The following HEATR1 variants were observed in gnomAD, a reference collection of about 807,000 sequenced individuals.
HEATR1 encodes the protein HEAT repeat-containing protein 1.
Under a neutral mutation model 248.2 loss-of-function variants are expected in HEATR1, and 77 were observed. The ratio of observed to expected loss-of-function variants is 0.31; its 90% CI spans 0.26 to 0.37. The LOEUF (loss-of-function observed/expected upper bound fraction) is 0.37, where lower values mean the gene tolerates loss of function less well. HEATR1 is among the 10% of genes least tolerant of loss of function. The pLI is 1.00. For missense variants in HEATR1, 2,420 were observed against 2,504.9 expected, an observed-to-expected ratio of 0.97 and a Z score of 0.72; for synonymous variants, 897 against 923.1, an observed-to-expected ratio of 0.97 and a Z score of 0.51.
At chr1:236,565,895 A>G in intron 31 of HEATR1, 24 bp downstream of exon 31, 1 of 1,604,444 alleles carries the variant, frequency 6.2e-7, no homozygotes, top group Non-Finnish European at 8.5e-7. Context: ...ATTGAACAGT[A>G]AGTGACACCC....
intron 42 of HEATR1, 66 bp downstream of exon 42, chr1:236,554,532 C>T: frequency 3.4e-6 from 5 of 1,490,518 alleles, no homozygotes; most frequent in Non-Finnish European, 4.6e-6. Flanking sequence ...TTGAGCAGAT[C>T]TAAAACCTGC....
At position 236,555,537 on chromosome 1, in the gene HEATR1, G is replaced by C; in HGVS notation, c.5754+14C>G. The stretch of plus-strand genomic sequence containing the variant: ...ATCTGAGCACAAAAGAGAGGAAGAG[G>C]AAGAAAGCGTCACCTTGAAGAACAG... On this transcript the variant is annotated intron_variant, in intron 40 of 44. Transcript: ENST00000366582. The C allele has an allele frequency of 6.2e-7, 1 of 1,614,100 alleles. No homozygotes were observed. Among genetic ancestry groups the C allele is most frequent in the Non-Finnish European group, 8.5e-7 (1 of 1,179,936 alleles).
Position 236,596,640 on chromosome 1 carries a change from T to A in HEATR1, c.744+196A>T, listed in dbSNP as rs1326467031. 2.0e-5 allele frequency among the ~76,000 whole-genome samples: 3 copies of A among 152,194 alleles called. No homozygotes were observed. In the East Asian group the frequency reaches 5.8e-4, roughly 29 times the overall value. ...GGACCAGACAGCCAATATTTATTCTTAAGAGTCCTAATTAAGGTCCCAGGC... is the reference window on the plus strand; with the variant it reads ...GGACCAGACAGCCAATATTTATTCTAAAGAGTCCTAATTAAGGTCCCAGGC... On this transcript the variant is annotated intron_variant, in intron 6 of 44. Coordinates refer to ENST00000366582, the MANE Select transcript of HEATR1 (RefSeq NM_018072.6).
At chr1:236,551,068 A>C in intron 44 of HEATR1, 78 bp from the exon 45 acceptor site, 3 of 1,133,868 alleles carry the variant, frequency 2.6e-6, no homozygotes, top group Non-Finnish European at 3.8e-6. Flanking sequence ...TTAATTCTTA[A>C]TGCCTTGCAC....
chr1:236,591,804 T>C (rs913943852), intron 11 of HEATR1, among the ~76,000 whole-genome samples, 189 bp downstream of exon 11: 2 of 152,226 alleles, frequency 1.3e-5, no homozygotes, highest in African/African-American at 2.4e-5. Context: ...TACAAATTAT[T>C]GTACCTTTCT....
chr1:236,603,261 T>C lies in HEATR1; in HGVS notation c.258A>G (p.Val86=), dbSNP rs1328478910. Residue 86 remains valine, a synonymous_variant, in exon 3 of 45, where the codon GTA becomes GTG. Coordinates refer to ENST00000366582, the MANE Select transcript of HEATR1 (RefSeq NM_018072.6). ...TLERSVQTKA[V]NKQLDENISL... is the part of the protein sequence containing the mutation. Reference sequence around the variant, plus strand: ...AAATGTTTTCATCCAACTGTTTGTTTACTGCTTTGGTCTGAACACTTCGCT... The same window carrying C: ...AAATGTTTTCATCCAACTGTTTGTTCACTGCTTTGGTCTGAACACTTCGCT... 1.9e-6 allele frequency: 3 copies of C among 1,614,058 alleles called. No individual in the cohort carries two copies. In the African/African-American group the frequency reaches 4.0e-5, roughly 22 times the overall value.
At chr1:236,572,325 A>C in intron 26 of HEATR1, 86 bp downstream of exon 26, 1 of 1,362,822 alleles carries the variant, frequency 7.3e-7, no homozygotes, top group Non-Finnish European at 1.0e-6. Flanking sequence ...TAAACAAGAG[A>C]AGAGTATGTT....
rs1451161668 is a variant in HEATR1 at position 236,550,060 on chromosome 1, C to T, written c.*842G>A. 3.3e-5 allele frequency: 5 copies of T among 152,128 alleles called. No individual in the cohort carries two copies. Among genetic ancestry groups the T allele is most frequent in the African/African-American group, 4.8e-5 (2 of 41,426 alleles). The allele number at this position is 152,128 out of a possible 1,614,324, so 9.4% of individuals were successfully genotyped here. The stretch of plus-strand genomic sequence containing the variant: ...GGGCAGATCTAATTTTATTTGAACC[C>T]TCACTTTCCAACTTCACCATGACCC... On this transcript the variant is annotated 3_prime_UTR_variant, in exon 45 of 45. Coordinates refer to ENST00000366582, the MANE Select transcript of HEATR1 (RefSeq NM_018072.6).
chr1:236,579,826 A>G (rs1388999543), intron 20 of HEATR1, among the ~76,000 whole-genome samples: 1 of 152,180 alleles, frequency 6.6e-6, no homozygotes, highest in Non-Finnish European at 1.5e-5. Flanking sequence ...GTGCTCTTTC[A>G]AAGAACTAAC....
rs1314426953 is a variant in HEATR1, at chr1:236,596,858, T to A, written c.722A>T (p.Lys241Ile). The change falls in exon 6 of 45, where the codon AAA becomes ATA. Residue 241 changes from lysine (K) to isoleucine (I), a missense_variant. Physicochemically the swap from Lys to Ile is moderately radical, Grantham distance 102. Coordinates refer to ENST00000366582, the MANE Select transcript of HEATR1 (RefSeq NM_018072.6). ...AACCTTTTGGATATAGGGAAATAGT[T>A]TGGCGATGATATTGTCTGATACGTC... Reference protein sequence around the residue: ...AEDVSDNIIAKLFPYIQKGLK... With the variant: ...AEDVSDNIIAILFPYIQKGLK... 1 of 1,613,474 alleles carries A rather than the reference T, an allele frequency of 6.2e-7. No individual in the cohort carries two copies. The highest frequency in any genetic ancestry group is 8.5e-7 in the Non-Finnish European group (1 of 1,179,792).
intron 17 of HEATR1, 54 bp from the exon 18 acceptor site, chr1:236,583,250 G>A: frequency 2.1e-6 from 3 of 1,449,302 alleles, no homozygotes; most frequent in South Asian, 1.3e-5. Flanking sequence ...CTGAACATGG[G>A]TTATATGAAT....
intron 3 of HEATR1, among the ~76,000 whole-genome samples, chr1:236,600,895 C>T (rs182045578): frequency 1.3e-5 from 2 of 152,264 alleles, no homozygotes; most frequent in African/African-American, 4.8e-5. Flanking sequence ...TCAACTATTC[C>T]AGGCAGAACT....
At chr1:236,603,916 C>T in intron 2 of HEATR1, 38 bp downstream of exon 2, 7 of 1,569,784 alleles carry the variant, frequency 4.5e-6, no homozygotes, top group East Asian at 2.3e-5. Context: ...AGAAAACAAA[C>T]GCTTCCAAGA....
At chr1:236,556,001 G>A (rs1267158952) in intron 38 of HEATR1, 62 bp from the exon 39 acceptor site, 1 of 1,605,218 alleles carries the variant, frequency 6.2e-7, no homozygotes. Flanking sequence ...TCAGCGGTGT[G>A]TATTTTTAAA....
chr1:236,554,496 A>C, intron 42 of HEATR1, 102 bp downstream of exon 42: 1 of 1,091,312 alleles, frequency 9.2e-7, no homozygotes, highest in East Asian at 2.6e-5. Flanking sequence ...ACAACCTTAC[A>C]AAGAAAAATC....
At chr1:236,568,898 CAAAAAAAA>C (rs398053926) in intron 29 of HEATR1, 90 bp downstream of exon 29, 4 of 527,816 alleles carry the variant, frequency 7.6e-6, no homozygotes, top group Admixed American at 5.6e-5. Context: ...AAAAAAAAAA[CAAAAAAAA>C]AAAACTAAAA....
Position 236,559,732 on chromosome 1 carries a change from A to C in HEATR1, c.4752T>G (p.Ala1584=), listed in dbSNP as rs776155817. The change falls in exon 34 of 45, where the codon GCT becomes GCG. Residue 1584 remains alanine (A), a synonymous_variant. Transcript: ENST00000366582. ...VKFWRALLSK[A]YDLLDKVNAL... ...CACCTACCTTATCTAACAGGTCGTAAGCTTTACTAAGGAGCGCGCGCCAGA... is the reference window on the plus strand; with the variant it reads ...CACCTACCTTATCTAACAGGTCGTACGCTTTACTAAGGAGCGCGCGCCAGA... 19 of 1,613,308 alleles carry C rather than the reference A, an allele frequency of 1.2e-5. No individual in the cohort carries two copies. The highest frequency in any genetic ancestry group is 2.7e-5 in the African/African-American group (2 of 74,910).
intron 14 of HEATR1, 117 bp downstream of exon 14, chr1:236,587,285 C>T: frequency 6.8e-6 from 3 of 439,276 alleles, no homozygotes. Context: ...TGTTCTACTA[C>T]CACGACAAAA....
chr1:236,557,642 A>G (rs1198168351), intron 36 of HEATR1, among the ~76,000 whole-genome samples: 1 of 152,234 alleles, frequency 6.6e-6, no homozygotes, highest in East Asian at 1.9e-4. Context: ...CAGAAATCCT[A>G]TGAGGTAGAT....
Sources: allele counts gnomAD v4.1 joint callset (sites outside exome capture counted in the v4.1 genomes callset), GRCh38; gene constraint gnomAD v4.1.1; transcripts MANE v1.5; gene names NCBI Gene and HGNC (gene_info 2026-07-23, HGNC 2026-07-21).